Variants in HPS4 observed in about 807,000 individuals in gnomAD.
The protein encoded by HPS4 is HPS4 biogenesis of lysosomal organelles complex 3 subunit 2.
HPS4 carries 44 observed loss-of-function variants against 70.3 expected under a neutral mutation model. The ratio of observed to expected loss-of-function variants is 0.63; its 90% CI spans 0.49 to 0.80. The LOEUF is 0.80. HPS4 is among the 30% of genes least tolerant of loss of function. The probability of loss-of-function intolerance (pLI) is 0.00; values close to 1 mark genes in which losing one functional copy is unlikely to be tolerated. For missense variants in HPS4, 873 were observed against 884.4 expected, an observed-to-expected ratio of 0.99 and a Z score of 0.16; for synonymous variants, 377 against 355.9, an observed-to-expected ratio of 1.06 and a Z score of -0.67.
exon 4 of HPS4, chr22:26,444,394 C>T (rs1452121208): frequency 6.6e-6 from 1 of 152,108 alleles, no homozygotes; most frequent in Non-Finnish European, 1.5e-5. Context: ...ACCTACATGC[C>T]CAGAGGACCC....
Position 26,464,498 on chromosome 22 carries a change from G to T in HPS4, c.1132C>A (p.Gln378Lys). The T allele has an allele frequency of 6.2e-7, 1 of 1,614,202 alleles. No homozygotes were observed. The highest frequency in any genetic ancestry group is 8.5e-7 in the Non-Finnish European group (1 of 1,180,036). ...DLSEIHIPEA[Q>K]EVEMASGHFA... ...TGACCTGAGGCCATTTCCACTTCCT[G>T]AGCCTCTGGAATGTGGATTTCAGAC... is the stretch of plus-strand genomic sequence containing the variant. The change falls in exon 11 of 14, where the codon CAG becomes AAG. Residue 378 changes from glutamine (Q) to lysine (K), a missense_variant. Gln to Lys is a moderately conservative substitution (Grantham distance 53). Coordinates refer to ENST00000398145, the MANE Select transcript of HPS4 (RefSeq NM_022081.6).
chr22:26,457,895 A>G lies in HPS4; in HGVS notation c.1919T>C (p.Phe640Ser). Residue 640 changes from phenylalanine to serine, a missense_variant, in exon 13 of 14, where the codon TTT becomes TCT. By Grantham distance (155) the Phe-to-Ser change is radical. Coordinates refer to ENST00000398145, the MANE Select transcript of HPS4 (RefSeq NM_022081.6). ...TTCATAAAGCGCGGGCAGCTGGGCAAATTCGCTATGCATCAGGCTGACGGC... is the reference window on the plus strand; with the variant it reads ...TTCATAAAGCGCGGGCAGCTGGGCAGATTCGCTATGCATCAGGCTGACGGC... ...LQAVSLMHSE[F>S]AQLPALYEMT... 2 of 1,614,248 alleles carry G rather than the reference A, an allele frequency of 1.2e-6. No homozygotes were observed. Among genetic ancestry groups the G allele is most frequent in the Non-Finnish European group, 1.7e-6 (2 of 1,180,040 alleles).
intron 5 of HPS4, 48 bp from the exon 6 acceptor site, chr22:26,472,466 G>T (rs757070553): frequency 8.1e-7 from 1 of 1,228,354 alleles, no homozygotes; most frequent in Non-Finnish European, 1.2e-6. Context: ...TTGAGGGACA[G>T]ATTCTTTGGC....
rs1323294936 is a variant in HPS4 at position 26,463,826 on chromosome 22, TC to T, written c.1713+90del. ...CACAACTGAGGGCTGAGCCTTTATCTCTTCCCTGGGTGTTGGCACAGTGCTG... is the reference window on the plus strand; with the variant it reads ...CACAACTGAGGGCTGAGCCTTTATCTTTCCCTGGGTGTTGGCACAGTGCTG... On this transcript the variant is annotated intron_variant, in intron 11 of 13. Coordinates refer to ENST00000398145, the MANE Select transcript of HPS4 (RefSeq NM_022081.6). 2.1e-5 allele frequency: 28 copies of T among 1,363,292 alleles called. No individual in the cohort carries two copies. In the Middle Eastern group the frequency reaches 7.4e-4, roughly 36 times the overall value. The allele number at this position is 1,363,292 out of a possible 1,614,324, so 84.4% of individuals were successfully genotyped here. A position where few individuals can be genotyped will look rare whatever the true frequency, so the allele number is the denominator to read the frequency against.
intron 7 of HPS4, among the ~76,000 whole-genome samples, chr22:26,469,560 G>GT (rs1486040704): frequency 6.6e-6 from 1 of 151,564 alleles, no homozygotes. Flanking sequence ...TGTATTAGCC[G>GT]TATAATGTAA....
downstream of HPS4, chr22:26,443,410 A>ATTT: frequency 7.0e-6 from 3 of 427,258 alleles, no homozygotes; most frequent in East Asian, 4.2e-5. Context: ...ATTTCCTTAG[A>ATTT]TTTTTTTTTT....
At chr22:26,470,936 ATG>A (rs1266242512) in intron 6 of HPS4, 123 bp from the exon 7 acceptor site, 117 of 1,546,636 alleles carry the variant, frequency 7.6e-5, no homozygotes, top group Non-Finnish European at 9.9e-5. Flanking sequence ...GAAAAGGAGA[ATG>A]TGTCACACAG....
At chr22:26,478,273 A>G (rs1237257670) in intron 3 of HPS4, among the ~76,000 whole-genome samples, 2 of 152,134 alleles carry the variant, frequency 1.3e-5, no homozygotes, top group Non-Finnish European at 2.9e-5. Flanking sequence ...GATAGGTCAC[A>G]TAAAATTGGC....
chr22:26,452,786 C>T lies in HPS4; in HGVS notation c.*447G>A, dbSNP rs758700168. On this transcript the variant is annotated 3_prime_UTR_variant, in exon 14 of 14. Coordinates refer to ENST00000398145, the MANE Select transcript of HPS4 (RefSeq NM_022081.6). ...AGTGGAGTCGGCCTGCTCACAGATC[C>T]GGCACCTCGCTGTGCAGTCACACCG... is the stretch of plus-strand genomic sequence containing the variant. The T allele has an allele frequency of 5.2e-5, 13 of 251,356 alleles. No individual in the cohort carries two copies. Among genetic ancestry groups the T allele is most frequent in the East Asian group, 1.1e-4 (1 of 9,480 alleles). 15.6% of individuals were successfully genotyped at this position (251,356 alleles called of 1,614,324 possible). A position where few individuals can be genotyped will look rare whatever the true frequency, so the allele number is the denominator to read the frequency against.
At position 26,465,455 on chromosome 22, in the gene HPS4, C is replaced by CTTGTCA. The variant is rs2088353925; in HGVS notation, c.797_802dup (p.Met266_Thr267dup). The CTTGTCA allele has an allele frequency of 1.9e-6, 3 of 1,607,622 alleles. No homozygotes were observed. The South Asian group carries it at 3.3e-5, about 18-fold the overall frequency. On this transcript the variant is annotated inframe_insertion and splice_region_variant, in exon 10 of 14. Transcript: ENST00000398145. ...GTTAACTCTCTGTGCACTCCATTAC[C>CTTGTCA]TTGTCATCTGTTCCACCGGGAACTC...
chr22:26,480,038 T>C (rs2091108099), intron 2 of HPS4, among the ~76,000 whole-genome samples: 1 of 152,252 alleles, frequency 6.6e-6, no homozygotes, highest in Non-Finnish European at 1.5e-5. Context: ...TATCTCTTTG[T>C]TCTGAATTTC....
At chr22:26,466,119 G>A in intron 9 of HPS4, 107 bp downstream of exon 9, 7 of 1,611,628 alleles carry the variant, frequency 4.3e-6, no homozygotes, top group African/African-American at 1.3e-5. Context: ...TATGAGCAGA[G>A]GAAATAAACA....
At chr22:26,477,180 G>C in intron 3 of HPS4, 44 bp from the exon 4 acceptor site, 2 of 1,609,596 alleles carry the variant, frequency 1.2e-6, no homozygotes, top group Non-Finnish European at 1.7e-6. Flanking sequence ...TGAAATTCTT[G>C]AACTCTTAAG....
At chr22:26,479,126 G>C (rs1159979355) in intron 3 of HPS4, 139 bp downstream of exon 3, 1 of 838,120 alleles carries the variant, frequency 1.2e-6, no homozygotes, top group Non-Finnish European at 2.0e-6. Context: ...ACAAGAAATA[G>C]TACAACTAAG....
chr22:26,443,220 G>T (rs1386825484), downstream of HPS4: 1 of 1,611,176 alleles, frequency 6.2e-7, no homozygotes, highest in South Asian at 1.1e-5. Flanking sequence ...TATTTCCCAT[G>T]CTGGAGTCGG....
chr22:26,483,849 T>C, upstream of HPS4: 1 of 1,305,422 alleles, frequency 7.7e-7, no homozygotes, highest in Non-Finnish European at 9.7e-7. Context: ...CGCGCGGCGA[T>C]GACGTGCCGA....
chr22:26,459,672 CTT>C (rs2086865308), intron 11 of HPS4, among the ~76,000 whole-genome samples: 1 of 152,174 alleles, frequency 6.6e-6, no homozygotes, highest in African/African-American at 2.4e-5. Context: ...AGTTCAGCCT[CTT>C]TTTAGTCAAA....
chr22:26,445,583 C>T (rs890534490), intron 3 of HPS4, among the ~76,000 whole-genome samples: 3 of 152,126 alleles, frequency 2.0e-5, no homozygotes, highest in Non-Finnish European at 4.4e-5. Flanking sequence ...TTTAGGACTC[C>T]GTGCCAGGAG....
At chr22:26,472,280 A>G (rs774789250) in intron 6 of HPS4, 22 bp downstream of exon 6, 39 of 1,343,484 alleles carry the variant, frequency 2.9e-5, no homozygotes, top group Non-Finnish European at 2.6e-5. Context: ...TATAAAATGA[A>G]TAAGGAGGAT....
Sources: gnomAD v4.1 joint callset for allele counts (sites outside exome capture counted in the v4.1 genomes callset) on GRCh38, gnomAD v4.1.1 for gene constraint, MANE v1.5 for transcripts, NCBI Gene and HGNC (gene_info 2026-07-23, HGNC 2026-07-21) for gene names.